Variants in ERAP1 observed in about 807,000 individuals in gnomAD.
ERAP1 encodes endoplasmic reticulum aminopeptidase 1, also known as adipocyte-derived leucine aminopeptidase.
In ERAP1, 86 loss-of-function variants were observed where a neutral mutation model predicts 103.7. The ratio of observed to expected loss-of-function variants is 0.83; its 90% CI spans 0.70 to 0.99. The LOEUF is 0.99. Ranked by LOEUF, ERAP1 falls within the 50% of genes least tolerant of loss-of-function variation. The pLI is 0.00. For missense variants in ERAP1, 1,009 were observed against 1,128.4 expected, an observed-to-expected ratio of 0.89 and a Z score of 1.52; for synonymous variants, 398 against 402.4, an observed-to-expected ratio of 0.99 and a Z score of 0.13.
At chr5:96,801,062 G>T in intron 2 of ERAP1, 62 bp from the exon 3 acceptor site, 1 of 1,577,724 alleles carries the variant, frequency 6.3e-7, no homozygotes, top group East Asian at 2.2e-5. Flanking sequence ...TAAAACAGGT[G>T]TTTGCTTTTT....
At chr5:96,870,144 CTG>C in the ERAP1 span, among the ~76,000 whole-genome samples, 1 of 152,150 alleles carries the variant, frequency 6.6e-6, no homozygotes, top group South Asian at 2.1e-4. Flanking sequence ...GCTGCAAAAT[CTG>C]AGAGCTGCTG....
intron 12 of ERAP1, 69 bp downstream of exon 12, chr5:96,786,401 A>G: frequency 9.4e-7 from 1 of 1,062,172 alleles, no homozygotes; most frequent in South Asian, 1.3e-5. Flanking sequence ...AGCAAAAGAA[A>G]CAGCACTTTA....
chr5:96,797,025 G>C, intron 4 of ERAP1, 150 bp downstream of exon 4: 1 of 854,766 alleles, frequency 1.2e-6, no homozygotes, highest in South Asian at 1.5e-5. Context: ...CTGGCCTCAA[G>C]TGATTCTTCC....
the ERAP1 span, chr5:96,889,437 T>C: frequency 9.9e-7 from 1 of 1,013,932 alleles, no homozygotes; most frequent in Non-Finnish European, 1.6e-6. Flanking sequence ...AAATAATTTG[T>C]TCCTCAGAGA....
At chr5:96,770,908 A>G (rs1209004483), downstream of ERAP1, among the ~76,000 whole-genome samples, 1 of 152,136 alleles carries the variant, frequency 6.6e-6, no homozygotes, top group Non-Finnish European at 1.5e-5. Context: ...ATTTTAGAAC[A>G]TGGAAGTTGG....
the ERAP1 span, among the ~76,000 whole-genome samples, chr5:96,859,060 T>TACACACACACACAC: frequency 1.4e-5 from 2 of 144,728 alleles, no homozygotes; most frequent in South Asian, 2.3e-4. Flanking sequence ...GCCACATGCA[T>TACACACACACACAC]ACACACACAC....
At chr5:96,856,365 T>TATAGAGAGAG in the ERAP1 span, among the ~76,000 whole-genome samples, 51 of 20,374 alleles carry the variant, frequency 2.5e-3, 2 homozygotes, top group African/African-American at 8.2e-3. Flanking sequence ...TATATATATA[T>TATAGAGAGAG]AGAGAGAGAG....
chr5:96,831,831 T>C, the ERAP1 span, among the ~76,000 whole-genome samples: 1 of 152,194 alleles, frequency 6.6e-6, no homozygotes, highest in Non-Finnish European at 1.5e-5. Flanking sequence ...TCTCTAGCCC[T>C]CTGCCTTGCC....
the ERAP1 span, chr5:96,879,583 A>C: frequency 5.0e-6 from 4 of 807,704 alleles, no homozygotes; most frequent in Non-Finnish European, 5.9e-6. Context: ...ATGTATTGAA[A>C]ATATTGTTCA....
the ERAP1 span, among the ~76,000 whole-genome samples, chr5:96,838,341 C>A: frequency 1.3e-5 from 2 of 152,272 alleles, no homozygotes; most frequent in African/African-American, 4.8e-5. Context: ...CTGAGATGGA[C>A]CAGGTAGCCC....
At chr5:96,818,639 A>G in the ERAP1 span, among the ~76,000 whole-genome samples, 11 of 152,108 alleles carry the variant, frequency 7.2e-5, no homozygotes, top group African/African-American at 2.7e-4. Flanking sequence ...GCTTTCTTCA[A>G]CGCCCGAGGC....
chr5:96,804,240 GAT>G (rs1778307698), intron 1 of ERAP1: 1 of 407,470 alleles, frequency 2.5e-6, no homozygotes, highest in South Asian at 2.2e-5. Flanking sequence ...AGCTCTGGCT[GAT>G]ATAGGCAGAA....
chr5:96,932,062 C>T, the ERAP1 span, among the ~76,000 whole-genome samples: 2 of 152,144 alleles, frequency 1.3e-5, no homozygotes, highest in Non-Finnish European at 2.9e-5. Flanking sequence ...AATGCCTAAG[C>T]TCTACTTGAA....
chr5:96,892,146 A>G, the ERAP1 span, among the ~76,000 whole-genome samples: 2 of 152,200 alleles, frequency 1.3e-5, no homozygotes, highest in Non-Finnish European at 2.9e-5. Context: ...CAGCGCAACT[A>G]TAAGACACCC....
chr5:96,925,957 C>T, the ERAP1 span, among the ~76,000 whole-genome samples: 1 of 150,224 alleles, frequency 6.7e-6, no homozygotes, highest in Non-Finnish European at 1.5e-5. Context: ...CTCTGTCGCC[C>T]AGGGCTGCAG....
chr5:96,806,986 G>T (rs647772), intron 1 of ERAP1, among the ~76,000 whole-genome samples: 5 of 21,846 alleles, frequency 2.3e-4, no homozygotes, highest in Admixed American at 3.7e-4. Flanking sequence ...GTTTTGTTTT[G>T]TTGTTTTGTT....
the ERAP1 span, among the ~76,000 whole-genome samples, chr5:96,836,189 T>TG: frequency 6.6e-6 from 1 of 150,520 alleles, no homozygotes; most frequent in Non-Finnish European, 1.5e-5. Context: ...TTTTTTTTTT[T>TG]TTTTTTTCTG....
Position 96,788,513 on chromosome 5 carries a change from TTAC to T in ERAP1, c.1679+15_1679+17del. 1 of 1,613,748 alleles carries T rather than the reference TTAC, an allele frequency of 6.2e-7. No homozygotes were observed. Among genetic ancestry groups the T allele is most frequent in the Non-Finnish European group, 8.5e-7 (1 of 1,179,998 alleles). On this transcript the variant is annotated intron_variant, in intron 11 of 18. Coordinates refer to ENST00000443439, the MANE Select transcript of ERAP1 (RefSeq NM_001040458.3). ...TGTTACCTAGACAACAAAACAAATTTTACTCTAGGAGCATTACCCAGTGTCCGG... is the reference window on the plus strand; with the variant it reads ...TGTTACCTAGACAACAAAACAAATTTTCTAGGAGCATTACCCAGTGTCCGG...
the ERAP1 span, among the ~76,000 whole-genome samples, chr5:96,828,604 T>C: frequency 6.6e-6 from 1 of 152,148 alleles, no homozygotes; most frequent in African/African-American, 2.4e-5. Context: ...GTTACAAAAT[T>C]ACCAGGGTAA....
Sources: allele counts gnomAD v4.1 joint callset (sites outside exome capture counted in the v4.1 genomes callset), GRCh38; gene constraint gnomAD v4.1.1; transcripts MANE v1.5; gene names NCBI Gene and HGNC (gene_info 2026-07-23, HGNC 2026-07-21).